CSNK1G3: variants seen among roughly 807,000 people sequenced by gnomAD.
The protein encoded by CSNK1G3 is casein kinase I isoform gamma-3.
CSNK1G3 carries 23 observed loss-of-function variants against 64.3 expected under a neutral mutation model. The ratio of observed to expected loss-of-function variants is 0.36; its 90% CI spans 0.26 to 0.51. The LOEUF (loss-of-function observed/expected upper bound fraction) is 0.51. Among genes scored for constraint, CSNK1G3 ranks in the 20% least tolerant of loss-of-function variants. CSNK1G3 has a pLI of 0.96. For synonymous variants in CSNK1G3, 158 were observed against 162.2 expected (o/e 0.97, Z 0.20); for missense variants, 357 against 510.5 (o/e 0.70, Z 2.90).
intron 2 of CSNK1G3, among the ~76,000 whole-genome samples, chr5:123,551,418 G>A (rs1240135810): frequency 1.3e-5 from 2 of 152,112 alleles, no homozygotes; most frequent in African/African-American, 4.8e-5. Context: ...TATGAATAGA[G>A]CTTAAAGTTG....
At chr5:123,581,566 C>G (rs1201834882) in intron 6 of CSNK1G3, among the ~76,000 whole-genome samples, 1 of 151,546 alleles carries the variant, frequency 6.6e-6, no homozygotes, top group Non-Finnish European at 1.5e-5. Flanking sequence ...AATGCATGTA[C>G]TGGGTTCAGT....
chr5:123,602,235 A>T (rs1405648643), intron 10 of CSNK1G3, among the ~76,000 whole-genome samples: 2 of 152,156 alleles, frequency 1.3e-5, no homozygotes, highest in Non-Finnish European at 2.9e-5. Context: ...TTCATTTCTA[A>T]GTACTTATTC....
intron 10 of CSNK1G3, among the ~76,000 whole-genome samples, chr5:123,594,778 A>T (rs1411360628): frequency 6.6e-6 from 1 of 152,050 alleles, no homozygotes; most frequent in African/African-American, 2.4e-5. Context: ...TAGAGGGTAG[A>T]GTCTGTGATT....
In CSNK1G3 at chr5:123,604,905, C is replaced by G. The variant is rs560864372; in HGVS notation, c.1193+75C>G. The G allele has an allele frequency of 1.2e-4, 137 of 1,160,950 alleles. 2 individuals are homozygous for G. The South Asian group carries it at 1.9e-3, about 16-fold the overall frequency. The allele number at this position is 1,160,950 out of a possible 1,614,324, so 71.9% of individuals were successfully genotyped here. A position where few individuals can be genotyped will look rare whatever the true frequency, so the allele number is the denominator to read the frequency against. On this transcript the variant is annotated intron_variant, in intron 11 of 12. Transcript: ENST00000345990. ...CATGCTTGAGATTTATAGTTACATA[C>G]AATTATTTCAGGAAATTTTTTTCAG...
intron 4 of CSNK1G3, 96 bp downstream of exon 4, chr5:123,557,660 C>A: frequency 3.9e-6 from 3 of 770,836 alleles, no homozygotes; most frequent in Non-Finnish European, 6.3e-6. Context: ...TTAAGGAAAT[C>A]ACTTTGCAAG....
intron 1 of CSNK1G3, among the ~76,000 whole-genome samples, chr5:123,530,436 AC>A (rs1485921062): frequency 1.1e-4 from 17 of 152,176 alleles, no homozygotes; most frequent in Admixed American, 2.0e-4. Context: ...TAGCTTTTAA[AC>A]TGTAGAAATG....
At chr5:123,556,425 A>G (rs949226314) in intron 3 of CSNK1G3, among the ~76,000 whole-genome samples, 4 of 151,964 alleles carry the variant, frequency 2.6e-5, no homozygotes, top group Admixed American at 2.0e-4. Context: ...TCCATACTAA[A>G]TCTTCTCACT....
chr5:123,582,480 T>TA (rs1436684639), intron 6 of CSNK1G3, among the ~76,000 whole-genome samples: 7 of 152,206 alleles, frequency 4.6e-5, no homozygotes, highest in Admixed American at 4.6e-4. Context: ...CACAGACTCT[T>TA]AATACGTGTT....
chr5:123,534,991 A>T (rs1027122464), intron 1 of CSNK1G3, among the ~76,000 whole-genome samples: 7 of 152,196 alleles, frequency 4.6e-5, no homozygotes, highest in Admixed American at 2.0e-4. Context: ...TGTGCTTTAA[A>T]AGCACGACCG....
At chr5:123,521,394 A>G (rs559061966) in intron 1 of CSNK1G3, among the ~76,000 whole-genome samples, 1 of 152,280 alleles carries the variant, frequency 6.6e-6, no homozygotes, top group Admixed American at 6.5e-5. Context: ...AGATTCTGCA[A>G]ATGTTTGTAG....
chr5:123,563,050 A>G (rs1235355648), intron 4 of CSNK1G3, among the ~76,000 whole-genome samples: 7 of 152,064 alleles, frequency 4.6e-5, no homozygotes, highest in African/African-American at 1.7e-4. Flanking sequence ...TAAATAGGCT[A>G]CATTAGGAGA....
chr5:123,613,210 A>G (rs1189073204), intron 12 of CSNK1G3, among the ~76,000 whole-genome samples: 2 of 150,054 alleles, frequency 1.3e-5, no homozygotes, highest in African/African-American at 4.9e-5. Flanking sequence ...TGGTGGGAGC[A>G]GATCAGTGAT....
At chr5:123,580,383 T>C (rs1790012051) in intron 6 of CSNK1G3, among the ~76,000 whole-genome samples, 1 of 151,998 alleles carries the variant, frequency 6.6e-6, no homozygotes, top group Admixed American at 6.6e-5. Context: ...TATAATAATA[T>C]AGAAGAATAG....
chr5:123,574,776 C>T (rs1788840144), intron 5 of CSNK1G3, among the ~76,000 whole-genome samples: 1 of 152,086 alleles, frequency 6.6e-6, no homozygotes, highest in Non-Finnish European at 1.5e-5. Context: ...GTTGAAGCTG[C>T]AATGAGCTAT....
At chr5:123,615,565 T>G (rs1309646120) in exon 13 of CSNK1G3, 6 of 151,466 alleles carry the variant, frequency 4.0e-5, no homozygotes, top group Admixed American at 6.6e-5. Flanking sequence ...GTGCTTTGCC[T>G]CCATAGTCTT....
At chr5:123,593,319 T>A (rs1026940736) in intron 10 of CSNK1G3, among the ~76,000 whole-genome samples, 18 of 151,978 alleles carry the variant, frequency 1.2e-4, no homozygotes, top group Non-Finnish European at 1.0e-4. Context: ...ATAGAAAAGT[T>A]GTATATTTAA....
intron 1 of CSNK1G3, among the ~76,000 whole-genome samples, chr5:123,518,613 CT>C (rs2149931552): frequency 6.6e-6 from 1 of 152,318 alleles, no homozygotes; most frequent in East Asian, 1.9e-4. Flanking sequence ...ATATTTTTCT[CT>C]TCGTATCTTA....
chr5:123,585,778 C>A (rs1348259391), intron 6 of CSNK1G3, among the ~76,000 whole-genome samples: 1 of 152,142 alleles, frequency 6.6e-6, no homozygotes, highest in Non-Finnish European at 1.5e-5. Context: ...ACTAGCATGG[C>A]TAAAATTTAA....
At chr5:123,577,503 T>C (rs111419612) in intron 6 of CSNK1G3, among the ~76,000 whole-genome samples, 15 of 152,026 alleles carry the variant, frequency 9.9e-5, no homozygotes, top group African/African-American at 3.4e-4. Flanking sequence ...TACAAAATAG[T>C]ATTTCCCTTT....
Sources: gnomAD v4.1 joint callset for allele counts (sites outside exome capture counted in the v4.1 genomes callset) on GRCh38, gnomAD v4.1.1 for gene constraint, MANE v1.5 for transcripts, NCBI Gene and HGNC (gene_info 2026-07-23, HGNC 2026-07-21) for gene names.